Variants in RPL4 observed in about 807,000 individuals in gnomAD.
RPL4 encodes ribosomal protein L4.
A neutral mutation model predicts 47.7 loss-of-function variants in RPL4; 3 were observed. The ratio of observed to expected loss-of-function variants is 0.06; its 90% CI spans 0.03 to 0.16. The LOEUF is 0.16. Ranked by LOEUF, RPL4 falls within the 10% of genes least tolerant of loss-of-function variation. RPL4 has a pLI of 1.00. For missense variants in RPL4, 413 were observed against 551.3 expected, an observed-to-expected ratio of 0.75 and a Z score of 2.51; for synonymous variants, 208 against 182.1, an observed-to-expected ratio of 1.14 and a Z score of -1.15.
intron 8 of RPL4, 26 bp downstream of exon 8, chr15:66,500,267 G>GAATTACACTCT (rs1439949904): frequency 6.2e-7 from 1 of 1,613,836 alleles, no homozygotes; most frequent in African/African-American, 1.3e-5. Flanking sequence ...GTTGGGGCGA[G>GAATTACACTCT]AATTACACTC....
rs535355142 is a variant in RPL4 at position 66,503,506 on chromosome 15, C to T, written c.27G>A (p.Ser9=). 2.5e-6 allele frequency: 4 copies of T among 1,605,814 alleles called. No individual in the cohort carries two copies. Among genetic ancestry groups the T allele is most frequent in the Middle Eastern group, 1.7e-4 (1 of 6,058 alleles). Residue 9 remains serine, a synonymous_variant, in exon 2 of 10, where the codon TCG becomes TCA. Transcript: ENST00000307961. ...ATGACTCCCCCTTTTCGGAGTACAC[C>T]GATATCAGTGGGCGAGCACACGCCT... The part of the protein sequence containing the change: MACARPLI[S]VYSEKGESSG...
Position 66,499,593 on chromosome 15 carries a change from A to T in RPL4, c.1098T>A (p.Asp366Glu), listed in dbSNP as rs747316937. ...AAAAALQAKS[D>E]EKAAVAGKKP... is the part of the protein sequence containing the mutation. ...TCTTGCCTGCAACCGCCGCCTTCTCATCTGATTTGGCTTGTAGTGCCGCTG... is the reference window on the plus strand; with the variant it reads ...TCTTGCCTGCAACCGCCGCCTTCTCTTCTGATTTGGCTTGTAGTGCCGCTG... The change falls in exon 10 of 10, where the codon GAT (aspartate) becomes GAA (glutamate). Residue 366 changes from aspartate to glutamate, a missense_variant. Coordinates refer to ENST00000307961, the MANE Select transcript of RPL4 (RefSeq NM_000968.4). 2.5e-6 allele frequency: 4 copies of T among 1,613,856 alleles called. No homozygotes were observed. The African/African-American group carries it at 5.3e-5, about 22-fold the overall frequency.
rs758376242 is a variant in RPL4, at chr15:66,501,874, C to G, written c.460G>C (p.Val154Leu). The change falls in exon 5 of 10, where the codon GTT becomes CTT. Residue 154 changes from valine to leucine, a missense_variant. By Grantham distance (32) the Val-to-Leu change is conservative. Transcript: ENST00000307961. ...IEEVPELPLVVEDKVEGYKKT... is the reference protein window; with the variant it reads ...IEEVPELPLVLEDKVEGYKKT... ...TTGTAGCCTTCAACTTTATCTTCAA[C>G]TACCAAAGGAAGTTCAGGAACTTCC... The G allele has an allele frequency of 1.2e-6, 2 of 1,612,188 alleles. No individual in the cohort carries two copies. The highest frequency in any genetic ancestry group is 1.1e-5 in the South Asian group (1 of 90,906).
At position 66,499,454 on chromosome 15, in the gene RPL4, G is replaced by A. The variant is rs778655048; in HGVS notation, c.1237C>T (p.Pro413Ser). The change falls in exon 10 of 10, where the codon CCT becomes TCT. Residue 413 changes from proline to serine, a missense_variant. By Grantham distance (74) the Pro-to-Ser change is moderately conservative. This residue lies in a region of RPL4 where 134 missense variants were observed against 122.7 expected (regional missense o/e 1.09). Transcript: ENST00000307961. ...TCTGTAGTAGGTTTCTTCTCTGCAG[G>A]CTTCTTTTCAGGGGCTGGTTTCTTG... Reference protein sequence around the residue: ...ATKKPAPEKKPAEKKPTTEEK... With the variant: ...ATKKPAPEKKSAEKKPTTEEK... The A allele has an allele frequency of 5.6e-6, 9 of 1,611,764 alleles. No individual in the cohort carries two copies. In the Middle Eastern group the frequency reaches 6.7e-4, roughly 121 times the overall value.
Position 66,499,439 on chromosome 15 carries a change from G to T in RPL4, c.1252C>A (p.Pro418Thr), listed in dbSNP as rs753926933. The stretch of plus-strand genomic sequence containing the variant: ...GCAGGCTTCTTCTCCTCTGTAGTAG[G>T]TTTCTTCTCTGCAGGCTTCTTTTCA... ...APEKKPAEKK[P>T]TTEEKKPAA is the part of the protein sequence containing the mutation. Residue 418 changes from proline (P) to threonine (T), a missense_variant, in exon 10 of 10, where the codon CCT (proline) becomes ACT (threonine). Coordinates refer to ENST00000307961, the MANE Select transcript of RPL4 (RefSeq NM_000968.4). 3.7e-6 allele frequency: 6 copies of T among 1,611,756 alleles called. No individual in the cohort carries two copies. Among genetic ancestry groups the T allele is most frequent in the Admixed American group, 1.7e-5 (1 of 59,930 alleles).
chr15:66,501,416 T>A lies in RPL4; in HGVS notation c.635A>T (p.Asn212Ile). The A allele has an allele frequency of 6.2e-7, 1 of 1,614,134 alleles. No homozygotes were observed. Among genetic ancestry groups the A allele is most frequent in the Non-Finnish European group, 8.5e-7 (1 of 1,180,020 alleles). The change falls in exon 6 of 10, where the codon AAT becomes ATT. Residue 212 changes from asparagine (N) to isoleucine (I), a missense_variant. Asn to Ile is a moderately radical substitution (Grantham distance 149). This residue lies in a region of RPL4 where 214 missense variants were observed against 304.2 expected (regional missense o/e 0.70). Coordinates refer to ENST00000307961, the MANE Select transcript of RPL4 (RefSeq NM_000968.4). ...IQRRGPCIIY[N>I]EDNGIIKAFR... The stretch of plus-strand genomic sequence containing the variant: ...GGCCTTGATGATACCATTATCCTCA[T>A]TATAGATGATGCACGGGCCCCTGCG...
Position 66,500,273 on chromosome 15 carries a change from C to T in RPL4, c.917+20G>A, listed in dbSNP as rs1159887773. 2 of 1,613,878 alleles carry T rather than the reference C, an allele frequency of 1.2e-6. No individual in the cohort carries two copies. ...TAGTATAGGGTTGGGGCGAGAATTA[C>T]ACTCTAAGTATCACTTTACCGTGGT... On this transcript the variant is annotated intron_variant, in intron 8 of 9. Transcript: ENST00000307961.
chr15:66,503,651 A>C, intron 1 of RPL4, 122 bp from the exon 2 acceptor site: 1 of 941,388 alleles, frequency 1.1e-6, no homozygotes, highest in Non-Finnish European at 1.5e-6. Flanking sequence ...GAGGCAAACA[A>C]CCCTTAAACC....
chr15:66,502,939 CCTTCT>C (rs773971540), intron 3 of RPL4, 114 bp downstream of exon 3: 1 of 1,287,762 alleles, frequency 7.8e-7, no homozygotes. Flanking sequence ...AAATGAAGCC[CCTTCT>C]CTTCAAGACA....
rs562157077 is a variant in RPL4 at position 66,501,911 on chromosome 15, A to T, written c.423T>A (p.Gly141=). The change falls in exon 5 of 10, where the codon GGT becomes GGA. Residue 141 remains glycine, a splice_region_variant and synonymous_variant. Transcript: ENST00000307961. ...SALPALVMSK[G]HRIEEVPELP... ...GTTCAGGAACTTCCTCAATACGATG[A>T]CCTAACAAAAACCAATGACACTTAC... 6.2e-7 allele frequency: 1 copy of T among 1,608,516 alleles called. No homozygotes were observed. Among genetic ancestry groups the T allele is most frequent in the Admixed American group, 1.7e-5 (1 of 59,012 alleles).
intron 4 of RPL4, 40 bp from the exon 5 acceptor site, chr15:66,501,952 C>T (rs777176342): frequency 1.3e-6 from 2 of 1,578,862 alleles, no homozygotes; most frequent in South Asian, 1.2e-5. Flanking sequence ...TATCCTGAAA[C>T]TTTTGGAGAA....
At chr15:66,504,413 A>T (rs1048700372) in intron 1 of RPL4, among the ~76,000 whole-genome samples, 1 of 152,230 alleles carries the variant, frequency 6.6e-6, no homozygotes, top group African/African-American at 2.4e-5. Flanking sequence ...AAAGATTTTG[A>T]TAACACCGAA....
intron 4 of RPL4, chr15:66,502,407 T>C (rs1893638827): frequency 3.4e-6 from 2 of 590,180 alleles, no homozygotes; most frequent in African/African-American, 1.9e-5. Context: ...TGGAGTACAT[T>C]TGATAACTGA....
In RPL4 at chr15:66,499,315, T is replaced by C; in HGVS notation, c.*92A>G. The C allele has an allele frequency of 6.8e-7, 1 of 1,472,836 alleles. No homozygotes were observed. The highest frequency in any genetic ancestry group is 9.1e-7 in the Non-Finnish European group (1 of 1,096,034). The allele number at this position is 1,472,836 out of a possible 1,614,324, so 91.2% of individuals were successfully genotyped here. On this transcript the variant is annotated 3_prime_UTR_variant, in exon 10 of 10. Coordinates refer to ENST00000307961, the MANE Select transcript of RPL4 (RefSeq NM_000968.4). ...ACCAAGCTTTACAGAGCACACCAAG[T>C]CATGTTTCTCACTGCCTGTATAATC...
Position 66,504,784 on chromosome 15 carries a change from T to G in RPL4, c.3+4A>C. 2.5e-6 allele frequency: 4 copies of G among 1,611,820 alleles called. No homozygotes were observed. The highest frequency in any genetic ancestry group is 3.4e-6 in the Non-Finnish European group (4 of 1,179,332). On this transcript the variant is annotated splice_donor_region_variant and intron_variant, in intron 1 of 9. Transcript: ENST00000307961. Reference sequence around the variant, plus strand: ...TAAGGCCAGCCAAGAGAACTTCCACTCACCATGGCGGAGAGAGGAGACAGC... The same window carrying G: ...TAAGGCCAGCCAAGAGAACTTCCACGCACCATGGCGGAGAGAGGAGACAGC...
chr15:66,501,703 G>T, intron 5 of RPL4, 85 bp downstream of exon 5: 1 of 1,564,014 alleles, frequency 6.4e-7, no homozygotes, highest in Non-Finnish European at 8.7e-7. Context: ...TTAAGGATTA[G>T]CTATACTGCC....
intron 4 of RPL4, chr15:66,502,367 A>T (rs1254884237): frequency 4.1e-6 from 2 of 484,078 alleles, no homozygotes; most frequent in Non-Finnish European, 7.2e-6. Flanking sequence ...TGATTAAAAA[A>T]TTTTTAAACC....
chr15:66,499,511 T>G lies in RPL4; in HGVS notation c.1180A>C (p.Lys394Gln), dbSNP rs938339239. 1.2e-5 allele frequency: 19 copies of G among 1,612,168 alleles called. No homozygotes were observed. The highest frequency in any genetic ancestry group is 4.0e-5 in the African/African-American group (3 of 74,830). Reference protein sequence around the residue: ...KAAVGVKKQKKPLVGKKAAAT... With the variant: ...KAAVGVKKQKQPLVGKKAAAT... ...GCTGCCTTTTTTCCCACCAGAGGCT[T>G]CTTCTGCTTCTTAACACCAACAGCA... Residue 394 changes from lysine to glutamine, a missense_variant, in exon 10 of 10, where the codon AAG becomes CAG. Physicochemically the swap from Lys to Gln is moderately conservative, Grantham distance 53. Coordinates refer to ENST00000307961, the MANE Select transcript of RPL4 (RefSeq NM_000968.4).
At chr15:66,500,701 G>C (rs188395840) in intron 7 of RPL4, 81 of 555,780 alleles carry the variant, frequency 1.5e-4, no homozygotes, top group Non-Finnish European at 2.2e-5. Context: ...AGAACTGCTT[G>C]AACCCGGGAG....
Sources: allele counts gnomAD v4.1 joint callset (sites outside exome capture counted in the v4.1 genomes callset), GRCh38; gene constraint gnomAD v4.1.1; regional missense constraint gnomAD v4.1.1; transcripts MANE v1.5; gene names NCBI Gene and HGNC (gene_info 2026-07-23, HGNC 2026-07-21).